ZNF180: variants seen among roughly 807,000 people sequenced by gnomAD.
The protein encoded by ZNF180 is zinc finger protein 180 (HHZ168).
A neutral mutation model predicts 11.8 loss-of-function variants in ZNF180; 11 were observed. The ratio of observed to expected loss-of-function variants is 0.93; its 90% CI spans 0.59 to 1.55. ZNF180 has a LOEUF of 1.55. Among genes scored for constraint, ZNF180 ranks in the 40% most tolerant of loss-of-function variants. The pLI, the probability that ZNF180 is intolerant of heterozygous loss-of-function variation, is 0.00. For synonymous variants in ZNF180, 287 were observed against 257.7 expected, an observed-to-expected ratio of 1.11 and a Z score of -1.09; for missense variants, 773 against 781.7, an observed-to-expected ratio of 0.99 and a Z score of 0.13.
chr19:44,481,712 TTA>T (rs1285256206), intron 3 of ZNF180, among the ~76,000 whole-genome samples: 2 of 152,204 alleles, frequency 1.3e-5, no homozygotes, highest in African/African-American at 4.8e-5. Flanking sequence ...AGCATAGTGT[TTA>T]TATATAGTAG....
At chr19:44,499,026 C>T (rs1970663522) in intron 1 of ZNF180, among the ~76,000 whole-genome samples, 1 of 152,216 alleles carries the variant, frequency 6.6e-6, no homozygotes, top group African/African-American at 2.4e-5. Context: ...CCCTGTGTCT[C>T]AACCTGCCTG....
In ZNF180 at chr19:44,474,738, A is replaced by G. The variant is rs1371118702; in HGVS notation, c.*1664T>C. 1 of 152,266 alleles carries G rather than the reference A, an allele frequency of 6.6e-6. No homozygotes were observed. Among genetic ancestry groups the G allele is most frequent in the Non-Finnish European group, 1.5e-5 (1 of 68,058 alleles). The allele number at this position is 152,266 out of a possible 1,614,324, so 9.4% of individuals were successfully genotyped here. ...TCAACCCCACTGGCCATGTAAGACT[A>G]GGCCTGGAGCCTGGAACACATCCTT... On this transcript the variant is annotated 3_prime_UTR_variant, in exon 5 of 5. Transcript: ENST00000592529.
At chr19:44,493,096 C>T (rs1452793459) in intron 2 of ZNF180, among the ~76,000 whole-genome samples, 1 of 152,182 alleles carries the variant, frequency 6.6e-6, no homozygotes, top group Non-Finnish European at 1.5e-5. Context: ...AAGAAAATTC[C>T]CTCTCCTGCC....
intron 3 of ZNF180, among the ~76,000 whole-genome samples, chr19:44,481,005 G>A (rs1970065113): frequency 6.6e-6 from 1 of 152,166 alleles, no homozygotes; most frequent in African/African-American, 2.4e-5. Context: ...CCAGCTGCAT[G>A]GCAGAGCCTT....
In ZNF180 at chr19:44,495,521, G is replaced by C. The variant is rs1600096836; in HGVS notation, c.51+1763C>G. ...TGACATGCCACACCAGGCTGCACCT[G>C]ACCCCCAACACAGGTGCACATCTCA... On this transcript the variant is annotated intron_variant, in intron 2 of 4. Coordinates refer to ENST00000592529, the MANE Select transcript of ZNF180 (RefSeq NM_001278509.3). The surrounding 1 kb of genome is among the most constrained non-coding windows in gnomAD (Gnocchi z 4.5). Among the ~76,000 whole-genome samples the C allele has an allele frequency of 6.6e-6, 1 of 151,954 alleles. No individual in the cohort carries two copies. The highest frequency in any genetic ancestry group is 1.9e-4 in the East Asian group (1 of 5,162).
chr19:44,493,486 A>T (rs2123496561), intron 2 of ZNF180, among the ~76,000 whole-genome samples: 1 of 152,342 alleles, frequency 6.6e-6, no homozygotes, highest in East Asian at 1.9e-4. Flanking sequence ...GGTCCAAATC[A>T]AGTACTTGTT....
chr19:44,477,457 G>C lies in ZNF180; in HGVS notation c.943C>G (p.Gln315Glu). 2 of 1,614,052 alleles carry C rather than the reference G, an allele frequency of 1.2e-6. No individual in the cohort carries two copies. The highest frequency in any genetic ancestry group is 1.7e-6 in the Non-Finnish European group (2 of 1,179,960). The change falls in exon 5 of 5, where the codon CAA (glutamine) becomes GAA (glutamate). Residue 315 changes from glutamine (Q) to glutamate (E), a missense_variant. Coordinates refer to ENST00000592529, the MANE Select transcript of ZNF180 (RefSeq NM_001278509.3). ...TCTTCAGAATTATTTCTCATGTTTTGAGTAAGGGAGGAACTATGAGAGGTT... is the reference window on the plus strand; with the variant it reads ...TCTTCAGAATTATTTCTCATGTTTTCAGTAAGGGAGGAACTATGAGAGGTT... ...SETSHSSSLT[Q>E]NMRNNSEEKP...
At chr19:44,488,063 T>TCACCCTC (rs1294799503) in intron 2 of ZNF180, among the ~76,000 whole-genome samples, 1 of 114,504 alleles carries the variant, frequency 8.7e-6, no homozygotes, top group African/African-American at 3.1e-5. Context: ...GCCCTCGCCC[T>TCACCCTC]TGCCCTCTCC....
At chr19:44,489,731 T>A (rs1600088691) in intron 2 of ZNF180, among the ~76,000 whole-genome samples, 2 of 93,356 alleles carry the variant, frequency 2.1e-5, no homozygotes, top group African/African-American at 4.3e-5. Context: ...CCAAGAATGA[T>A]CAATAAAAAA....
rs1341131161 is a variant in ZNF180 at position 44,476,441 on chromosome 19, C to G, written c.1959G>C (p.Gln653His). The G allele has an allele frequency of 6.2e-7, 1 of 1,608,682 alleles. No homozygotes were observed. The highest frequency in any genetic ancestry group is 1.7e-5 in the Admixed American group (1 of 59,522). Reference protein sequence around the residue: ...FINSYKLIRHQATHTEEKLYE... With the variant: ...FINSYKLIRHHATHTEEKLYE... ...AGAGTTTCTCTTCAGTATGAGTTGCCTGATGCCTAATAAGTTTATAGCTAT... is the reference window on the plus strand; with the variant it reads ...AGAGTTTCTCTTCAGTATGAGTTGCGTGATGCCTAATAAGTTTATAGCTAT... The change falls in exon 5 of 5, where the codon CAG becomes CAC. Residue 653 changes from glutamine (Q) to histidine (H), a missense_variant. Physicochemically the swap from Gln to His is conservative, Grantham distance 24. Coordinates refer to ENST00000592529, the MANE Select transcript of ZNF180 (RefSeq NM_001278509.3).
At chr19:44,484,834 C>A in intron 2 of ZNF180, 1 of 179,318 alleles carries the variant, frequency 5.6e-6, no homozygotes, top group African/African-American at 2.4e-5. Context: ...ATGCCAGAAT[C>A]ATAAAGAAAA....
chr19:44,498,711 CCA>C (rs756420779), intron 1 of ZNF180, among the ~76,000 whole-genome samples: 28 of 152,202 alleles, frequency 1.8e-4, no homozygotes, highest in Non-Finnish European at 3.8e-4. Flanking sequence ...CTGCTCCCCC[CCA>C]CACACCTGGG....
rs1395517246 is a variant in ZNF180 at position 44,495,554 on chromosome 19, C to CAGA, written c.51+1729_51+1730insTCT. On this transcript the variant is annotated intron_variant, in intron 2 of 4. Coordinates refer to ENST00000592529, the MANE Select transcript of ZNF180 (RefSeq NM_001278509.3). The surrounding 1 kb of genome is among the most constrained non-coding windows in gnomAD (Gnocchi z 4.5). ...ACACAGGTGCACATCTCACCCCACT[C>CAGA]TGGCTCCAACACCCCATCTACCATG... Among the ~76,000 whole-genome samples, 4 of 152,160 alleles carry CAGA rather than the reference C, an allele frequency of 2.6e-5. No individual in the cohort carries two copies. The highest frequency in any genetic ancestry group is 4.4e-5 in the Non-Finnish European group (3 of 68,016).
chr19:44,497,148 T>G, intron 2 of ZNF180, 136 bp downstream of exon 2: 1 of 531,762 alleles, frequency 1.9e-6, no homozygotes, highest in Non-Finnish European at 3.0e-6. Flanking sequence ...AAATATATAG[T>G]AAGTGTTAGA....
At chr19:44,488,849 G>A (rs1392469050) in intron 2 of ZNF180, among the ~76,000 whole-genome samples, 1 of 152,006 alleles carries the variant, frequency 6.6e-6, no homozygotes, top group African/African-American at 2.4e-5. Context: ...AACCCCGTCT[G>A]GGAGGTGAGG....
At position 44,500,441 on chromosome 19, in the gene ZNF180, A is replaced by G; in HGVS notation, c.-210T>C. On this transcript the variant is annotated 5_prime_UTR_variant, in exon 1 of 5. Transcript: ENST00000592529. ...GTCCCCTCTCCTAGTCAGCATCCGC[A>G]AGGCCGCTGGGGGTTAAGTCTGAAG... 1 of 615,968 alleles carries G rather than the reference A, an allele frequency of 1.6e-6. No homozygotes were observed. The highest frequency in any genetic ancestry group is 2.8e-6 in the Non-Finnish European group (1 of 351,044). 38.2% of individuals were successfully genotyped at this position (615,968 alleles called of 1,614,324 possible).
At position 44,476,743 on chromosome 19, in the gene ZNF180, T is replaced by C; in HGVS notation, c.1657A>G (p.Asn553Asp). Residue 553 changes from asparagine (N) to aspartate (D), a missense_variant, in exon 5 of 5, where the codon AAT (asparagine) becomes GAT (aspartate). Coordinates refer to ENST00000592529, the MANE Select transcript of ZNF180 (RefSeq NM_001278509.3). Reference protein sequence around the residue: ...IHTGEKPYECNQCGKSFSQSY... With the variant: ...IHTGEKPYECDQCGKSFSQSY... ...TGGCTGAAGGATTTCCCACACTGAT[T>C]ACATTCATACGGTTTTTCCCCAGTG... 6.2e-7 allele frequency: 1 copy of C among 1,614,154 alleles called. No individual in the cohort carries two copies. The highest frequency in any genetic ancestry group is 8.5e-7 in the Non-Finnish European group (1 of 1,179,996).
Position 44,477,007 on chromosome 19 carries a change from G to GT in ZNF180, c.1392dup (p.Pro465ThrfsTer3), listed in dbSNP as rs755514028. The GT allele has an allele frequency of 6.2e-7, 1 of 1,614,094 alleles. No homozygotes were observed. The highest frequency in any genetic ancestry group is 1.1e-5 in the South Asian group (1 of 91,078). Reference sequence around the variant, plus strand: ...TTCCCACACTGATTGCATTCATAGGGTTTTTCCCCAGTATGAATTCTTTGA... The same window carrying GT: ...TTCCCACACTGATTGCATTCATAGGGTTTTTTCCCCAGTATGAATTCTTTGA... On this transcript the variant is annotated frameshift_variant, in exon 5 of 5. Coordinates refer to ENST00000592529, the MANE Select transcript of ZNF180 (RefSeq NM_001278509.3). LOFTEE classifies it low-confidence loss of function (END_TRUNC).
At chr19:44,480,566 T>C (rs959742901) in intron 3 of ZNF180, among the ~76,000 whole-genome samples, 1 of 152,184 alleles carries the variant, frequency 6.6e-6, no homozygotes, top group Non-Finnish European at 1.5e-5. Context: ...GAGTATCCCA[T>C]AGCTAAAATA....
Sources: gnomAD v4.1 joint callset for allele counts (sites outside exome capture counted in the v4.1 genomes callset) on GRCh38, gnomAD v4.1.1 for gene constraint, Gnocchi (gnomAD v3.1) non-coding constraint, MANE v1.5 for transcripts, NCBI Gene and HGNC (gene_info 2026-07-23, HGNC 2026-07-21) for gene names.